LAMB3: variants seen among roughly 807,000 people sequenced by gnomAD.
The protein encoded by LAMB3 is laminin subunit beta-3.
In LAMB3, 104 loss-of-function variants were observed where a neutral mutation model predicts 140.3. The ratio of observed to expected loss-of-function variants is 0.74; its 90% CI spans 0.63 to 0.87. LAMB3 has a LOEUF of 0.87. Ranked by LOEUF, LAMB3 falls within the 40% of genes least tolerant of loss-of-function variation. The pLI is 0.00. For synonymous variants in LAMB3, 592 were observed against 602.9 expected, an observed-to-expected ratio of 0.98 and a Z score of 0.26; for missense variants, 1,531 against 1,575.2, an observed-to-expected ratio of 0.97 and a Z score of 0.47.
chr1:209,632,958 C>T (rs2102435232), intron 7 of LAMB3, 112 bp downstream of exon 7: 1 of 1,080,262 alleles, frequency 9.3e-7, no homozygotes, highest in East Asian at 2.4e-5. Context: ...TATCAAATCC[C>T]CAACCACGTT....
intron 12 of LAMB3, 69 bp from the exon 13 acceptor site, chr1:209,627,047 G>A: frequency 8.7e-7 from 1 of 1,145,582 alleles, no homozygotes; most frequent in Non-Finnish European, 1.3e-6. Flanking sequence ...GTCAGGGACT[G>A]TGTCCTAGAT....
At chr1:209,617,770 C>T (rs1666026452) in intron 20 of LAMB3, 137 bp downstream of exon 20, 10 of 1,302,532 alleles carry the variant, frequency 7.7e-6, no homozygotes, top group Non-Finnish European at 1.1e-5. Flanking sequence ...AGGCCCATAG[C>T]CTGCCCAAAG....
intron 3 of LAMB3, 66 bp downstream of exon 3, chr1:209,649,898 G>GGAC: frequency 6.4e-7 from 1 of 1,560,286 alleles, no homozygotes; most frequent in Non-Finnish European, 8.8e-7. Context: ...AGTATTCAGT[G>GGAC]GACAAATGGC....
intron 4 of LAMB3, 83 bp downstream of exon 4, chr1:209,638,451 C>A (rs1666963884): frequency 4.4e-6 from 4 of 919,330 alleles, no homozygotes; most frequent in African/African-American, 1.6e-5. Context: ...CCTGGGAAAC[C>A]CAAAGGGTTA....
In LAMB3 at chr1:209,618,473, T is replaced by C. The variant is rs1300489622; in HGVS notation, c.2888A>G (p.Gln963Arg). The C allele has an allele frequency of 1.1e-5, 18 of 1,614,026 alleles. No homozygotes were observed. Among genetic ancestry groups the C allele is most frequent in the Non-Finnish European group, 1.4e-5 (16 of 1,180,054 alleles). Residue 963 changes from glutamine (Q) to arginine (R), a missense_variant, in exon 19 of 23, where the codon CAG becomes CGG. Gln to Arg is a conservative substitution (Grantham distance 43, BLOSUM62 1). Transcript: ENST00000356082. ...KQDIARARRL[Q>R]AEAEEARSRA... ...ATACCTGGCTTCCTCAGCCTCAGCC[T>C]GCAACCGGCGGGCACGCGCAATGTC...
chr1:209,651,296 G>T, intron 1 of LAMB3: 1 of 352,722 alleles, frequency 2.8e-6, no homozygotes, highest in Non-Finnish European at 5.4e-6. Context: ...AGGACAACGT[G>T]GGGAGCAGGA....
intron 3 of LAMB3, among the ~76,000 whole-genome samples, chr1:209,641,980 C>T (rs747033850): frequency 6.6e-6 from 1 of 152,152 alleles, no homozygotes; most frequent in Non-Finnish European, 1.5e-5. Context: ...GAGCTTTCTC[C>T]CCAGCTCTGC....
At position 209,622,527 on chromosome 1, in the gene LAMB3, T is replaced by A. The variant is rs762387886; in HGVS notation, c.2701+9A>T. On this transcript the variant is annotated intron_variant, in intron 18 of 22. Transcript: ENST00000356082. ...ACAGCAGCCAAGGTGGGGTGGAGAC[T>A]GGGCTCACCTGTTAGGAAGTCCCGG... 2 of 1,613,624 alleles carry A rather than the reference T, an allele frequency of 1.2e-6. No individual in the cohort carries two copies. The highest frequency in any genetic ancestry group is 2.2e-5 in the East Asian group (1 of 44,866).
intron 3 of LAMB3, among the ~76,000 whole-genome samples, chr1:209,644,861 C>A (rs1489337349): frequency 6.6e-6 from 1 of 152,170 alleles, no homozygotes; most frequent in African/African-American, 2.4e-5. Flanking sequence ...TGGCTACAGA[C>A]CCTCATATGG....
At chr1:209,641,272 G>A (rs1354948957) in intron 3 of LAMB3, among the ~76,000 whole-genome samples, 1 of 152,158 alleles carries the variant, frequency 6.6e-6, no homozygotes, top group African/African-American at 2.4e-5. Context: ...GGAAGAGTGA[G>A]TAGGTAATAA....
chr1:209,638,262 C>A (rs1054730501), intron 4 of LAMB3, among the ~76,000 whole-genome samples: 3 of 152,224 alleles, frequency 2.0e-5, no homozygotes, highest in Admixed American at 2.0e-4. Flanking sequence ...GTTCCCCAAA[C>A]TTAATTCTGC....
Position 209,633,143 on chromosome 1 carries a change from G to A in LAMB3, c.565-10C>T, listed in dbSNP as rs1666758842. The A allele has an allele frequency of 1.2e-6, 2 of 1,604,006 alleles. No individual in the cohort carries two copies. The highest frequency in any genetic ancestry group is 1.7e-6 in the Non-Finnish European group (2 of 1,170,804). On this transcript the variant is annotated splice_polypyrimidine_tract_variant and intron_variant, in intron 6 of 22. Coordinates refer to ENST00000356082, the MANE Select transcript of LAMB3 (RefSeq NM_000228.3). ...TAAGGTTAAGTTGGACCTACAGAGG[G>A]AAGGGAAAGAGAAGCGCTGAAGAAG...
chr1:209,651,788 C>T (rs1026215944), intron 1 of LAMB3, among the ~76,000 whole-genome samples: 2 of 144,260 alleles, frequency 1.4e-5, no homozygotes, highest in Non-Finnish European at 3.0e-5. Flanking sequence ...AGTGACCCTT[C>T]TGCCTTGAAT....
In LAMB3 at chr1:209,628,196, A is replaced by G; in HGVS notation, c.1133-6T>C. The G allele has an allele frequency of 6.4e-7, 1 of 1,554,754 alleles. No homozygotes were observed. The highest frequency in any genetic ancestry group is 8.7e-7 in the Non-Finnish European group (1 of 1,148,678). On this transcript the variant is annotated splice_region_variant and splice_polypyrimidine_tract_variant and intron_variant, in intron 10 of 22. Coordinates refer to ENST00000356082, the MANE Select transcript of LAMB3 (RefSeq NM_000228.3). Reference sequence around the variant, plus strand: ...ATCCGGATCACACTCGCAGGCTGAGAGACAACAGCAGCCACCGCAGTAGGA... The same window carrying G: ...ATCCGGATCACACTCGCAGGCTGAGGGACAACAGCAGCCACCGCAGTAGGA...
rs1666281245 is a variant in LAMB3, at chr1:209,623,374, G to C, written c.2358+131C>G. The C allele has an allele frequency of 3.8e-6, 4 of 1,055,712 alleles. No homozygotes were observed. The East Asian group carries it at 1.0e-4, about 26-fold the overall frequency. The allele number at this position is 1,055,712 out of a possible 1,614,324, so 65.4% of individuals were successfully genotyped here. A position where few individuals can be genotyped will look rare whatever the true frequency, so the allele number is the denominator to read the frequency against. ...CTGAGCTCACAGTGAGCAGTACAAG[G>C]GTCGGGATGGCTGGGGGAGTGGGGT... On this transcript the variant is annotated intron_variant, in intron 16 of 22. Coordinates refer to ENST00000356082, the MANE Select transcript of LAMB3 (RefSeq NM_000228.3). This position sits in a 1 kb window ranked among gnomAD's most constrained non-coding sequence, Gnocchi z 4.2.
At chr1:209,617,618 G>C (rs1439602880) in intron 20 of LAMB3, 32 bp from the exon 21 acceptor site, 1 of 1,612,116 alleles carries the variant, frequency 6.2e-7, no homozygotes, top group Admixed American at 1.7e-5. Flanking sequence ...TGGCCTTTGT[G>C]GTGGGTCTCA....
chr1:209,640,889 G>A (rs572159339), intron 3 of LAMB3, among the ~76,000 whole-genome samples: 19 of 151,872 alleles, frequency 1.3e-4, no homozygotes, highest in Non-Finnish European at 1.9e-4. Flanking sequence ...AGACCATCCT[G>A]GCTAACACAG....
At chr1:209,642,467 T>TTTTGTGTG (rs1553280032) in intron 3 of LAMB3, among the ~76,000 whole-genome samples, 2 of 131,794 alleles carry the variant, frequency 1.5e-5, no homozygotes, top group East Asian at 5.6e-4. Flanking sequence ...GTTTAAGCTT[T>TTTTGTGTG]TTTGTTTGTT....
chr1:209,635,388 TTTTGTTTGTTTG>T (rs111289650), intron 5 of LAMB3, among the ~76,000 whole-genome samples: 1 of 151,552 alleles, frequency 6.6e-6, no homozygotes, highest in African/African-American at 2.4e-5. Context: ...ATCTTCTGTT[TTTTGTTTGTTTG>T]TTTGTTTGTT....
Sources: gnomAD v4.1 joint callset for allele counts (sites outside exome capture counted in the v4.1 genomes callset) on GRCh38, gnomAD v4.1.1 for gene constraint, Gnocchi (gnomAD v3.1) non-coding constraint, MANE v1.5 for transcripts, NCBI Gene and HGNC (gene_info 2026-07-23, HGNC 2026-07-21) for gene names.